Variants in MYO5B observed in about 807,000 individuals in gnomAD.
MYO5B encodes the protein unconventional myosin-Vb.
MYO5B carries 143 observed loss-of-function variants against 229.3 expected under a neutral mutation model. The ratio of observed to expected loss-of-function variants is 0.62; its 90% CI spans 0.54 to 0.72. The LOEUF (loss-of-function observed/expected upper bound fraction) is 0.72, where lower values mean the gene tolerates loss of function less well. MYO5B is among the 30% of genes least tolerant of loss of function. MYO5B has a pLI of 0.00. For synonymous variants in MYO5B, 918 were observed against 885.2 expected (o/e 1.04, Z -0.66); for missense variants, 2,321 against 2,331.0 (o/e 1.00, Z 0.09).
chr18:50,123,391 T>A (rs2032103685), intron 1 of MYO5B, among the ~76,000 whole-genome samples: 3 of 152,162 alleles, frequency 2.0e-5, no homozygotes, highest in Admixed American at 6.5e-5. Flanking sequence ...TACTGAACTG[T>A]ACACTTTAAA....
At chr18:50,156,724 C>G (rs1365678420) in intron 1 of MYO5B, among the ~76,000 whole-genome samples, 5 of 152,172 alleles carry the variant, frequency 3.3e-5, no homozygotes, top group African/African-American at 1.2e-4. Flanking sequence ...ATAAAGGTAG[C>G]CCAATACATT....
At chr18:50,127,231 A>C (rs1435790482) in intron 1 of MYO5B, among the ~76,000 whole-genome samples, 1 of 152,194 alleles carries the variant, frequency 6.6e-6, no homozygotes, top group Admixed American at 6.5e-5. Context: ...CTAGCATCTC[A>C]ACCATATTTG....
At chr18:49,985,206 A>G (rs1286679246) in intron 7 of MYO5B, among the ~76,000 whole-genome samples, 5 of 152,226 alleles carry the variant, frequency 3.3e-5, no homozygotes, top group Non-Finnish European at 5.9e-5. Flanking sequence ...TATGACTTAC[A>G]TAATCTCAGT....
At chr18:50,070,208 G>C (rs1224694943) in intron 1 of MYO5B, among the ~76,000 whole-genome samples, 3 of 151,792 alleles carry the variant, frequency 2.0e-5, no homozygotes, top group African/African-American at 7.3e-5. Context: ...ATTTTTAGTA[G>C]AGACAAGGTT....
chr18:50,123,312 T>C (rs893073572), intron 1 of MYO5B, among the ~76,000 whole-genome samples: 1 of 152,150 alleles, frequency 6.6e-6, no homozygotes, highest in East Asian at 1.9e-4. Context: ...GTCTCCTTTG[T>C]GGGTTATGAA....
intron 23 of MYO5B, among the ~76,000 whole-genome samples, chr18:49,879,962 G>A (rs1039777130): frequency 1.3e-5 from 2 of 152,198 alleles, no homozygotes; most frequent in Non-Finnish European, 2.9e-5. Flanking sequence ...CTGAGCGCTC[G>A]CTGAGTGTCA....
At chr18:50,067,024 A>G (rs1598994480) in intron 1 of MYO5B, among the ~76,000 whole-genome samples, 1 of 152,198 alleles carries the variant, frequency 6.6e-6, no homozygotes, top group Non-Finnish European at 1.5e-5. Context: ...TGTGTCTGCA[A>G]CTTTAAAGAT....
intron 1 of MYO5B, among the ~76,000 whole-genome samples, chr18:50,186,344 C>G (rs2033149137): frequency 6.6e-6 from 1 of 152,150 alleles, no homozygotes; most frequent in African/African-American, 2.4e-5. Flanking sequence ...TGGATTGTTT[C>G]AATAATCATT....
intron 1 of MYO5B, among the ~76,000 whole-genome samples, chr18:50,087,840 C>G (rs1162414525): frequency 6.6e-6 from 1 of 152,042 alleles, no homozygotes; most frequent in Admixed American, 6.6e-5. Context: ...GCAGGAAAAC[C>G]AAGATGAGAA....
intron 2 of MYO5B, among the ~76,000 whole-genome samples, chr18:50,044,036 T>TA (rs2030149500): frequency 6.6e-6 from 1 of 152,060 alleles, no homozygotes; most frequent in East Asian, 1.9e-4. Flanking sequence ...CCTATGGCAA[T>TA]AAAAAATTTT....
chr18:50,184,064 C>T (rs559890429), intron 1 of MYO5B, among the ~76,000 whole-genome samples: 6 of 152,172 alleles, frequency 3.9e-5, no homozygotes, highest in Non-Finnish European at 5.9e-5. Flanking sequence ...AAATAAATTA[C>T]CTAGTCTCGG....
At chr18:49,874,334 G>C (rs1271623384) in intron 26 of MYO5B, among the ~76,000 whole-genome samples, 2 of 152,210 alleles carry the variant, frequency 1.3e-5, no homozygotes, top group Non-Finnish European at 2.9e-5. Context: ...TGAATCTTTA[G>C]GTACAGCTGG....
chr18:49,948,853 T>A (rs1436878783), intron 14 of MYO5B, among the ~76,000 whole-genome samples: 1 of 152,210 alleles, frequency 6.6e-6, no homozygotes, highest in Non-Finnish European at 1.5e-5. Flanking sequence ...GGTACCAACA[T>A]GACCAAGGTT....
intron 8 of MYO5B, among the ~76,000 whole-genome samples, 189 bp from the exon 9 acceptor site, chr18:49,980,742 G>A (rs1300232508): frequency 6.6e-6 from 1 of 151,992 alleles, no homozygotes; most frequent in Non-Finnish European, 1.5e-5. Context: ...AGGGCAAAGG[G>A]GCTCCTTGGA....
At chr18:50,178,244 T>C (rs1229702079) in intron 1 of MYO5B, among the ~76,000 whole-genome samples, 1 of 152,238 alleles carries the variant, frequency 6.6e-6, no homozygotes, top group East Asian at 1.9e-4. Flanking sequence ...TCACCACCAA[T>C]GCTCCCAGCC....
intron 1 of MYO5B, among the ~76,000 whole-genome samples, chr18:50,096,564 T>C (rs767291234): frequency 6.6e-5 from 10 of 152,236 alleles, no homozygotes; most frequent in Admixed American, 3.9e-4. Context: ...AGGTCACACT[T>C]CTTAGTCTGT....
intron 18 of MYO5B, among the ~76,000 whole-genome samples, chr18:49,911,828 A>G (rs1012238996): frequency 6.6e-6 from 1 of 152,284 alleles, no homozygotes; most frequent in South Asian, 2.1e-4. Context: ...GCGCTGCCAC[A>G]GAATTCCATT....
intron 5 of MYO5B, 81 bp from the exon 6 acceptor site, chr18:49,992,512 T>C (rs996759760): frequency 1.9e-5 from 30 of 1,592,920 alleles, no homozygotes; most frequent in Non-Finnish European, 2.5e-5. Flanking sequence ...TGGCAGCATG[T>C]GTCCCCTTTC....
At chr18:50,062,360 C>T (rs1290919609) in intron 1 of MYO5B, among the ~76,000 whole-genome samples, 2 of 152,166 alleles carry the variant, frequency 1.3e-5, no homozygotes, top group Non-Finnish European at 2.9e-5. Flanking sequence ...GCAGTATAAA[C>T]TCCCTGTCCA....
Sources: allele counts gnomAD v4.1 joint callset (sites outside exome capture counted in the v4.1 genomes callset), GRCh38; gene constraint gnomAD v4.1.1; transcripts MANE v1.5; gene names NCBI Gene and HGNC (gene_info 2026-07-23, HGNC 2026-07-21).